FAM107B: variants seen among roughly 807,000 people sequenced by gnomAD.
The protein encoded by FAM107B is family with sequence similarity 107 member B.
In FAM107B, 21 loss-of-function variants were observed where a neutral mutation model predicts 31.5. That is an observed-to-expected ratio of 0.67 (90% CI 0.47 to 0.96). The LOEUF (loss-of-function observed/expected upper bound fraction) is 0.96, where lower values mean the gene tolerates loss of function less well. Among genes scored for constraint, FAM107B ranks in the 40% least tolerant of loss-of-function variants. FAM107B has a pLI of 0.00. For missense variants in FAM107B, 452 were observed against 377.1 expected (o/e 1.20, Z -1.64); for synonymous variants, 157 against 141.5 (o/e 1.11, Z -0.78).
chr10:14,687,093 G>A (rs1046133314), intron 1 of FAM107B, among the ~76,000 whole-genome samples: 8 of 152,174 alleles, frequency 5.3e-5, no homozygotes, highest in African/African-American at 1.9e-4. Flanking sequence ...TCATCTTTCA[G>A]GCTGTCCCCA....
chr10:14,532,426 T>A (rs1847120204), intron 2 of FAM107B, among the ~76,000 whole-genome samples: 2 of 152,294 alleles, frequency 1.3e-5, no homozygotes, highest in Non-Finnish European at 1.5e-5. Flanking sequence ...AGCTGCAACA[T>A]TTGTTTAAAT....
At chr10:14,680,689 C>T (rs1854812050) in intron 1 of FAM107B, among the ~76,000 whole-genome samples, 1 of 152,084 alleles carries the variant, frequency 6.6e-6, no homozygotes, top group South Asian at 2.1e-4. Flanking sequence ...TGGCAAATTC[C>T]CACTAACTTC....
chr10:14,563,057 C>T (rs371127890), intron 2 of FAM107B, among the ~76,000 whole-genome samples: 1 of 152,138 alleles, frequency 6.6e-6, no homozygotes, highest in African/African-American at 2.4e-5. Flanking sequence ...TGAAATAAAG[C>T]GGAAAAACTG....
rs1246453282 is a variant in FAM107B at position 14,521,182 on chromosome 10, G to A, written c.*8C>T. 2.5e-6 allele frequency: 4 copies of A among 1,610,862 alleles called. No homozygotes were observed. The African/African-American group carries it at 4.0e-5, about 16-fold the overall frequency. ...GGGTGACACACGAGGTCTTGGTGCA[G>A]CCTCAGCCTAGGACTCCTGGGCTTG... is the stretch of plus-strand genomic sequence containing the variant. On this transcript the variant is annotated 3_prime_UTR_variant, in exon 5 of 5. Coordinates refer to ENST00000181796, the MANE Select transcript of FAM107B (RefSeq NM_031453.4).
At chr10:14,594,077 C>G (rs1852103544) in intron 2 of FAM107B, among the ~76,000 whole-genome samples, 1 of 152,220 alleles carries the variant, frequency 6.6e-6, no homozygotes, top group African/African-American at 2.4e-5. Context: ...ACAGGCTCTG[C>G]CTGATGACAT....
intron 2 of FAM107B, among the ~76,000 whole-genome samples, chr10:14,586,169 T>G (rs1851825624): frequency 6.6e-6 from 1 of 152,180 alleles, no homozygotes; most frequent in Admixed American, 6.5e-5. Flanking sequence ...GCTAGTTCAA[T>G]TCCTGACCTT....
chr10:14,549,388 A>G (rs3829825), intron 2 of FAM107B, among the ~76,000 whole-genome samples: 3,379 of 152,340 alleles, frequency 0.022, 65 homozygotes, highest in East Asian at 0.09. Flanking sequence ...CATCTATAAT[A>G]AAAGCTGCAA....
At chr10:14,653,597 C>G (rs931100136) in intron 2 of FAM107B, among the ~76,000 whole-genome samples, 1 of 152,074 alleles carries the variant, frequency 6.6e-6, no homozygotes, top group Non-Finnish European at 1.5e-5. Context: ...ACTGTTATTT[C>G]TAGCTGTGCA....
At chr10:14,700,422 C>A (rs1855369407) in intron 1 of FAM107B, among the ~76,000 whole-genome samples, 1 of 152,126 alleles carries the variant, frequency 6.6e-6, no homozygotes, top group African/African-American at 2.4e-5. Context: ...TCGTTGTCAC[C>A]ATGAACAGCC....
At chr10:14,566,967 C>G (rs762861429) in intron 2 of FAM107B, among the ~76,000 whole-genome samples, 1 of 152,122 alleles carries the variant, frequency 6.6e-6, no homozygotes, top group Non-Finnish European at 1.5e-5. Flanking sequence ...CTGGCTAACA[C>G]AGTAAAACCC....
At chr10:14,624,830 C>T (rs1853114558) in intron 2 of FAM107B, among the ~76,000 whole-genome samples, 1 of 152,176 alleles carries the variant, frequency 6.6e-6, no homozygotes, top group Non-Finnish European at 1.5e-5. Flanking sequence ...AGCAGAAGCA[C>T]ATACATAAGG....
chr10:14,768,996 A>G (rs1708589458), intron 1 of FAM107B, among the ~76,000 whole-genome samples: 1 of 152,178 alleles, frequency 6.6e-6, no homozygotes, highest in South Asian at 2.1e-4. Flanking sequence ...GCCCCTGCTA[A>G]GTGGACAGTA....
chr10:14,655,555 C>G (rs754066037), intron 2 of FAM107B, among the ~76,000 whole-genome samples: 7 of 152,116 alleles, frequency 4.6e-5, no homozygotes, highest in Non-Finnish European at 8.8e-5. Context: ...GAGTAGCTGG[C>G]ACAAACGTTT....
chr10:14,770,975 T>TAAAAAAAAAAAAAAAAA lies in FAM107B; in HGVS notation c.411+3261_411+3277dup, dbSNP rs56378196. ...TCTTACCTTATGTCTGAGGCTGAAC[T>TAAAAAAAAAAAAAAAAA]AAAAAAAAAAAAAAAAAAAAAAAAA... is the stretch of plus-strand genomic sequence containing the variant. On this transcript the variant is annotated intron_variant, in intron 1 of 4. Coordinates refer to ENST00000181796, the MANE Select transcript of FAM107B (RefSeq NM_031453.4). Among the ~76,000 whole-genome samples the TAAAAAAAAAAAAAAAAA allele has an allele frequency of 3.4e-5, 2 of 58,922 alleles. 1 individual carries two copies. The allele number at this position is 58,922 out of a possible 152,430, so 38.7% of individuals were successfully genotyped here.
At chr10:14,743,044 T>G (rs1281619337) in intron 1 of FAM107B, among the ~76,000 whole-genome samples, 3 of 152,190 alleles carry the variant, frequency 2.0e-5, no homozygotes, top group Non-Finnish European at 4.4e-5. Context: ...CTCTGTTAAT[T>G]TGACCCTTCT....
At chr10:14,760,658 G>C (rs1474680742) in intron 1 of FAM107B, among the ~76,000 whole-genome samples, 1 of 151,192 alleles carries the variant, frequency 6.6e-6, no homozygotes, top group African/African-American at 2.5e-5. Context: ...GATATGCAGA[G>C]AACTCAATAT....
chr10:14,537,409 G>T (rs560325284), intron 2 of FAM107B, among the ~76,000 whole-genome samples: 1 of 152,324 alleles, frequency 6.6e-6, no homozygotes, highest in Admixed American at 6.5e-5. Flanking sequence ...ATGGGTTTGG[G>T]TGGGGCAACC....
At chr10:14,606,893 T>A (rs1038060991) in intron 2 of FAM107B, among the ~76,000 whole-genome samples, 1 of 152,234 alleles carries the variant, frequency 6.6e-6, no homozygotes, top group African/African-American at 2.4e-5. Flanking sequence ...TGAAATGTCT[T>A]GTTTAAGCCA....
chr10:14,531,174 C>T lies in FAM107B; in HGVS notation c.470-659G>A, dbSNP rs7895689. Among the ~76,000 whole-genome samples the T allele has an allele frequency of 3.6e-4, 55 of 152,284 alleles. 1 individual carries two copies. Among genetic ancestry groups the T allele is most frequent in the Admixed American group, 3.5e-3 (53 of 15,302 alleles). ...CCAATCACAATCACAGGACTGAAAC[C>T]GCTGCTTCACTGCCTGCTTCGCCCA... On this transcript the variant is annotated intron_variant, in intron 2 of 4. Coordinates refer to ENST00000181796, the MANE Select transcript of FAM107B (RefSeq NM_031453.4).
Sources: gnomAD v4.1 joint callset for allele counts (sites outside exome capture counted in the v4.1 genomes callset) on GRCh38, gnomAD v4.1.1 for gene constraint, MANE v1.5 for transcripts, NCBI Gene and HGNC (gene_info 2026-07-23, HGNC 2026-07-21) for gene names.